Variants in GATA4 observed in about 807,000 individuals in gnomAD.
GATA4 encodes GATA binding protein 4.
In GATA4, 7 loss-of-function variants were observed where a neutral mutation model predicts 37.9. That is an observed-to-expected ratio of 0.18 (90% CI 0.11 to 0.35). The LOEUF (loss-of-function observed/expected upper bound fraction) is 0.35, where lower values mean the gene tolerates loss of function less well. Among genes scored for constraint, GATA4 ranks in the 10% least tolerant of loss-of-function variants. The pLI is 1.00. For synonymous variants in GATA4, 372 were observed against 292.6 expected (o/e 1.27, Z -2.77); for missense variants, 647 against 653.0 (o/e 0.99, Z 0.10).
chr8:11,696,530 G>T (rs1159981866), intron 1 of GATA4, among the ~76,000 whole-genome samples: 1 of 152,154 alleles, frequency 6.6e-6, no homozygotes, highest in African/African-American at 2.4e-5. Context: ...CATTTGAGTG[G>T]TTTCCCGTTT....
chr8:11,681,396 C>T (rs1386430363), intron 1 of GATA4: 13 of 985,038 alleles, frequency 1.3e-5, no homozygotes, highest in African/African-American at 1.8e-5. Context: ...CAGACCCTTC[C>T]GGGATCACGC....
Position 11,708,236 on chromosome 8 carries a change from G to A in GATA4, c.-77G>A. 6.7e-7 allele frequency: 1 copy of A among 1,497,154 alleles called. No individual in the cohort carries two copies. Among genetic ancestry groups the A allele is most frequent in the Non-Finnish European group, 9.0e-7 (1 of 1,111,686 alleles). 92.7% of individuals were successfully genotyped at this position (1,497,154 alleles called of 1,614,324 possible). A position where few individuals can be genotyped will look rare whatever the true frequency, so the allele number is the denominator to read the frequency against. On this transcript the variant is annotated 5_prime_UTR_variant, in exon 2 of 7. Coordinates refer to ENST00000532059, the MANE Select transcript of GATA4 (RefSeq NM_001308093.3). This position sits in a 1 kb window ranked among gnomAD's most constrained non-coding sequence, Gnocchi z 6.7. ...TCCCACGCATATTATCGTTGTTGCC[G>A]TCGTTTTCTCTCCCCGCGTGGCTCC... is the stretch of plus-strand genomic sequence containing the variant.
chr8:11,691,535 G>C (rs879552889), upstream of GATA4, among the ~76,000 whole-genome samples: 1 of 152,232 alleles, frequency 6.6e-6, no homozygotes, highest in African/African-American at 2.4e-5. Flanking sequence ...AGAGCTTAAA[G>C]TCACAAAATG....
chr8:11,749,070 G>C lies in GATA4; in HGVS notation c.771G>C (p.Lys257Asn). 1 of 1,614,214 alleles carries C rather than the reference G, an allele frequency of 6.2e-7. No homozygotes were observed. The highest frequency in any genetic ancestry group is 8.5e-7 in the Non-Finnish European group (1 of 1,180,042). ...ACGGCATCAACCGGCCGCTCATCAA[G>C]CCTCAGCGCCGGCTGGTAAGCACGT... ...KMNGINRPLI[K>N]PQRRLSASRR... Residue 257 changes from lysine (K) to asparagine (N), a missense_variant, in exon 3 of 7, where the codon AAG becomes AAC. Lys to Asn is a moderately conservative substitution (Grantham distance 94). This residue lies in a region of GATA4 where 56 missense variants were observed against 64.5 expected (regional missense o/e 0.87). Transcript: ENST00000532059. This position sits in a 1 kb window ranked among gnomAD's most constrained non-coding sequence, Gnocchi z 4.6.
chr8:11,728,234 C>T (rs1317982572), intron 2 of GATA4, among the ~76,000 whole-genome samples: 2 of 152,230 alleles, frequency 1.3e-5, no homozygotes, highest in Non-Finnish European at 1.5e-5. Flanking sequence ...GGTGATCCAC[C>T]GCCCTTGACC....
rs1214501373 is a variant in GATA4, at chr8:11,695,765, C to T, written c.-729+3105C>T. The stretch of plus-strand genomic sequence containing the variant: ...GAGAGGAGGATAACCCTCACTCTGA[C>T]GTCACCCTTCCTGCAGCCTGCCCAA... On this transcript the variant is annotated intron_variant, in intron 1 of 2. Transcript: ENST00000526974. 5.3e-5 allele frequency among the ~76,000 whole-genome samples: 8 copies of T among 152,156 alleles called. 1 individual carries two copies. The highest frequency in any genetic ancestry group is 1.9e-4 in the East Asian group (1 of 5,186).
intron 5 of GATA4, 119 bp from the exon 6 acceptor site, chr8:11,756,816 G>A (rs1802591700): frequency 4.4e-6 from 6 of 1,366,246 alleles, no homozygotes; most frequent in South Asian, 3.5e-5. Flanking sequence ...CTCTGCTGCT[G>A]TCCCCGGCAA....
At chr8:11,684,213 G>A (rs559033131) in intron 1 of GATA4, among the ~76,000 whole-genome samples, 1 of 152,284 alleles carries the variant, frequency 6.6e-6, no homozygotes, top group South Asian at 2.1e-4. Context: ...TGATGTTATG[G>A]TGGATATTTG....
chr8:11,721,321 G>A (rs1421170570), intron 2 of GATA4, among the ~76,000 whole-genome samples: 1 of 149,744 alleles, frequency 6.7e-6, no homozygotes, highest in Admixed American at 6.7e-5. Context: ...AGGCTGTTCT[G>A]CAGTCCCGAG....
chr8:11,743,291 C>G (rs1050083499), intron 2 of GATA4, among the ~76,000 whole-genome samples: 3 of 152,260 alleles, frequency 2.0e-5, no homozygotes, highest in South Asian at 2.1e-4. Flanking sequence ...ACGTCTAGCA[C>G]TTGGACAGGG....
At chr8:11,732,257 C>T (rs1293646100) in intron 2 of GATA4, among the ~76,000 whole-genome samples, 4 of 152,116 alleles carry the variant, frequency 2.6e-5, no homozygotes, top group Non-Finnish European at 4.4e-5. Context: ...AAGATGTCTG[C>T]CAAGTAAGTG....
chr8:11,685,056 G>C lies in GATA4; in HGVS notation c.-274+7993G>C, dbSNP rs76105928. 3.0e-3 allele frequency among the ~76,000 whole-genome samples: 461 copies of C among 152,220 alleles called. 2 individuals carry two copies. Among genetic ancestry groups the C allele is most frequent in the African/African-American group, 0.01 (427 of 41,522 alleles). ...AGAGATTCACAAGATGCTTTACTTA[G>C]CAAAGTTTATAATTTGACAAGGACG... On this transcript the variant is annotated intron_variant, in intron 1 of 6. Transcript: ENST00000528712.
intron 1 of GATA4, chr8:11,680,822 C>T (rs1798942591): frequency 1.0e-6 from 1 of 985,394 alleles, no homozygotes; most frequent in African/African-American, 1.7e-5. Flanking sequence ...GCCTCGGTCC[C>T]CACGCTCTGG....
chr8:11,713,911 C>T lies in GATA4; in HGVS notation c.616+4983C>T, dbSNP rs1800316883. ...AACGTAGCTGTTTCCTTTTAAAGAACCCAGTCACGGTGGTTACACGTGTAT... is the reference window on the plus strand; with the variant it reads ...AACGTAGCTGTTTCCTTTTAAAGAATCCAGTCACGGTGGTTACACGTGTAT... On this transcript the variant is annotated intron_variant, in intron 2 of 6. Transcript: ENST00000532059. Among the ~76,000 whole-genome samples the T allele has an allele frequency of 4.6e-5, 7 of 152,280 alleles. No homozygotes were observed. The South Asian group carries it at 1.5e-3, about 32-fold the overall frequency.
chr8:11,751,603 C>A (rs1348390376), intron 4 of GATA4, among the ~76,000 whole-genome samples: 1 of 152,086 alleles, frequency 6.6e-6, no homozygotes, highest in Non-Finnish European at 1.5e-5. Flanking sequence ...GGTCTTGTAG[C>A]CTAATAAGAA....
chr8:11,734,645 C>G (rs552252274), intron 2 of GATA4, among the ~76,000 whole-genome samples: 47 of 152,310 alleles, frequency 3.1e-4, no homozygotes, highest in African/African-American at 9.1e-4. Context: ...CACCACCATG[C>G]TCGGCTAATT....
rs992897223 is a variant in GATA4 at position 11,709,019 on chromosome 8, C to T, written c.616+91C>T. On this transcript the variant is annotated intron_variant, in intron 2 of 6. Coordinates refer to ENST00000532059, the MANE Select transcript of GATA4 (RefSeq NM_001308093.3). This position sits in a 1 kb window ranked among gnomAD's most constrained non-coding sequence, Gnocchi z 4.3. ...AGGGCCTCTTGTTTTTCCACCAACG[C>T]CTTCGTTGGGCTGGGGATGGTGCTT... is the stretch of plus-strand genomic sequence containing the variant. 7.5e-5 allele frequency: 97 copies of T among 1,295,136 alleles called. 1 individual carries two copies. In the African/African-American group the frequency reaches 1.2e-3, roughly 16 times the overall value. 80.2% of individuals were successfully genotyped at this position (1,295,136 alleles called of 1,614,324 possible).
chr8:11,688,896 T>A (rs552689187), upstream of GATA4, among the ~76,000 whole-genome samples: 6 of 152,222 alleles, frequency 3.9e-5, no homozygotes, highest in Non-Finnish European at 8.8e-5. Context: ...ATAATATTTG[T>A]AATGTCTGCA....
intron 1 of GATA4, among the ~76,000 whole-genome samples, chr8:11,698,617 T>C (rs373981675): frequency 6.6e-6 from 1 of 152,304 alleles, no homozygotes; most frequent in East Asian, 1.9e-4. Context: ...CCAGGATTTA[T>C]GGGTTGGGCT....
Sources: gnomAD v4.1 joint callset for allele counts (sites outside exome capture counted in the v4.1 genomes callset) on GRCh38, gnomAD v4.1.1 for gene constraint, gnomAD v4.1.1 regional missense constraint, Gnocchi (gnomAD v3.1) non-coding constraint, MANE v1.5 for transcripts, NCBI Gene and HGNC (gene_info 2026-07-23, HGNC 2026-07-21) for gene names.